WDR72: variants seen among roughly 807,000 people sequenced by gnomAD.
WDR72 encodes the protein WD repeat-containing protein 72.
In WDR72, 120 loss-of-function variants were observed where a neutral mutation model predicts 124.2. The observed-to-expected ratio is 0.97, with a 90% CI of 0.83 to 1.12. WDR72 has a LOEUF of 1.12. WDR72 is among the 50% of genes most tolerant of loss of function. WDR72 has a pLI of 0.00. For missense variants in WDR72, 1,387 were observed against 1,278.8 expected (o/e 1.08, Z -1.29); for synonymous variants, 452 against 441.7 (o/e 1.02, Z -0.29).
At chr15:53,539,012 T>A (rs1425754559) in intron 18 of WDR72, among the ~76,000 whole-genome samples, 1 of 152,080 alleles carries the variant, frequency 6.6e-6, no homozygotes, top group African/African-American at 2.4e-5. Flanking sequence ...AATAAGTGGG[T>A]CAAGTTACTC....
At chr15:53,742,511 T>C (rs1344345494) in intron 1 of WDR72, among the ~76,000 whole-genome samples, 1 of 152,212 alleles carries the variant, frequency 6.6e-6, no homozygotes, top group Non-Finnish European at 1.5e-5. Flanking sequence ...TTTGGGTGTC[T>C]AAAGCAAGCT....
chr15:53,673,942 G>A (rs2016078193), intron 13 of WDR72, among the ~76,000 whole-genome samples: 1 of 151,942 alleles, frequency 6.6e-6, no homozygotes, highest in Non-Finnish European at 1.5e-5. Context: ...AGTGACCTGA[G>A]ATCGCGCCAT....
At chr15:53,633,826 A>T (rs936593098) in intron 14 of WDR72, among the ~76,000 whole-genome samples, 1 of 152,230 alleles carries the variant, frequency 6.6e-6, no homozygotes, top group African/African-American at 2.4e-5. Flanking sequence ...ATGAACTAGA[A>T]AGAATACATT....
intron 18 of WDR72, among the ~76,000 whole-genome samples, chr15:53,591,293 G>A (rs1036932607): frequency 3.3e-5 from 5 of 151,998 alleles, no homozygotes; most frequent in African/African-American, 1.2e-4. Flanking sequence ...TGTTCTTGGC[G>A]ATATCCTTAG....
chr15:53,656,685 T>C (rs966152103), intron 14 of WDR72, among the ~76,000 whole-genome samples: 1 of 152,130 alleles, frequency 6.6e-6, no homozygotes, highest in Non-Finnish European at 1.5e-5. Context: ...CAACTAATAG[T>C]TTGAGTTAAC....
intron 14 of WDR72, among the ~76,000 whole-genome samples, chr15:53,640,019 GA>G (rs2014789158): frequency 6.6e-6 from 1 of 152,134 alleles, no homozygotes; most frequent in East Asian, 1.9e-4. Flanking sequence ...ATTCAATGCT[GA>G]AATATAATGG....
intron 2 of WDR72, among the ~76,000 whole-genome samples, chr15:53,726,424 A>G (rs927262408): frequency 1.3e-5 from 2 of 151,534 alleles, no homozygotes; most frequent in African/African-American, 4.8e-5. Flanking sequence ...TAAACCTAAA[A>G]CTGCTTTCAA....
Position 53,515,086 on chromosome 15 carries a change from T to TACACACACACAC in WDR72, c.*2601_*2612dup, listed in dbSNP as rs1555402422. ...ATATACACACATATATATGTATGTA[T>TACACACACACAC]ACACACACACACACACACACAAATA... On this transcript the variant is annotated 3_prime_UTR_variant, in exon 20 of 20. Coordinates refer to ENST00000360509, the MANE Select transcript of WDR72 (RefSeq NM_182758.4). 3 of 87,204 alleles carry TACACACACACAC rather than the reference T, an allele frequency of 3.4e-5. No homozygotes were observed. The highest frequency in any genetic ancestry group is 4.3e-4 in the South Asian group (1 of 2,334). 5.4% of individuals were successfully genotyped at this position (87,204 alleles called of 1,614,324 possible).
In WDR72 at chr15:53,743,975, A is replaced by C. The variant is rs972987653; in HGVS notation, c.-12-10814T>G. ...GGGCGACAGAGCGAGACTCGTCTCAAAAAAAAAAAAAAAAAATTTATCAAA... is the reference window on the plus strand; with the variant it reads ...GGGCGACAGAGCGAGACTCGTCTCACAAAAAAAAAAAAAAAATTTATCAAA... On this transcript the variant is annotated intron_variant, in intron 1 of 19. Coordinates refer to ENST00000360509, the MANE Select transcript of WDR72 (RefSeq NM_182758.4). 6.0e-3 allele frequency among the ~76,000 whole-genome samples: 302 copies of C among 50,074 alleles called. 3 individuals carry two copies. The highest frequency in any genetic ancestry group is 0.01 in the African/African-American group (281 of 26,916). The allele number at this position is 50,074 out of a possible 152,430, so 32.9% of individuals were successfully genotyped here. A position where few individuals can be genotyped will look rare whatever the true frequency, so the allele number is the denominator to read the frequency against.
At chr15:53,674,339 C>A (rs191700989) in intron 13 of WDR72, among the ~76,000 whole-genome samples, 1 of 152,180 alleles carries the variant, frequency 6.6e-6, no homozygotes, top group South Asian at 2.1e-4. Context: ...AAAAATTTGA[C>A]CATTGGGTCT....
intron 14 of WDR72, among the ~76,000 whole-genome samples, chr15:53,631,106 G>A (rs2014409803): frequency 1.3e-5 from 2 of 152,150 alleles, no homozygotes; most frequent in South Asian, 4.1e-4. Context: ...CAATGCTGGA[G>A]GTGGTGCCTG....
intron 18 of WDR72, among the ~76,000 whole-genome samples, chr15:53,594,950 A>G (rs2012702158): frequency 6.6e-6 from 1 of 152,168 alleles, no homozygotes; most frequent in Non-Finnish European, 1.5e-5. Flanking sequence ...ATATAATACT[A>G]CTTGGATAGT....
At chr15:53,705,268 T>C in intron 10 of WDR72, 35 bp from the exon 11 acceptor site, 1 of 1,604,606 alleles carries the variant, frequency 6.2e-7, no homozygotes, top group Non-Finnish European at 8.5e-7. Context: ...GAAAATTTGG[T>C]TTATCAGTAC....
intron 1 of WDR72, among the ~76,000 whole-genome samples, chr15:53,740,766 G>C (rs1406486871): frequency 6.6e-6 from 1 of 152,182 alleles, no homozygotes; most frequent in African/African-American, 2.4e-5. Flanking sequence ...TACCAAAAGA[G>C]AGGGAGTGGA....
chr15:53,551,701 A>G (rs1471926867), intron 18 of WDR72, among the ~76,000 whole-genome samples: 1 of 152,188 alleles, frequency 6.6e-6, no homozygotes, highest in Admixed American at 6.5e-5. Context: ...AGAGTCAGAC[A>G]TAAGATGGTC....
At chr15:53,546,555 C>T (rs1456961475) in intron 18 of WDR72, among the ~76,000 whole-genome samples, 1 of 151,842 alleles carries the variant, frequency 6.6e-6, no homozygotes, top group Non-Finnish European at 1.5e-5. Flanking sequence ...GGGAGATATA[C>T]CTAATGCTAG....
intron 13 of WDR72, among the ~76,000 whole-genome samples, chr15:53,670,919 C>T (rs1375472070): frequency 6.6e-6 from 1 of 152,150 alleles, no homozygotes; most frequent in Non-Finnish European, 1.5e-5. Context: ...GGCATATGGC[C>T]AGCTTGGGCC....
intron 17 of WDR72, among the ~76,000 whole-genome samples, chr15:53,607,719 C>T (rs1010991248): frequency 2.6e-5 from 4 of 151,992 alleles, no homozygotes; most frequent in African/African-American, 7.2e-5. Context: ...AAACAAGAGA[C>T]GATCCACAGA....
chr15:53,704,337 G>A (rs988062325), intron 11 of WDR72, among the ~76,000 whole-genome samples: 1 of 152,042 alleles, frequency 6.6e-6, no homozygotes, highest in African/African-American at 2.4e-5. Context: ...ATTTTTATTT[G>A]TGCAATATAA....
Sources: allele counts gnomAD v4.1 joint callset (sites outside exome capture counted in the v4.1 genomes callset), GRCh38; gene constraint gnomAD v4.1.1; transcripts MANE v1.5; gene names NCBI Gene and HGNC (gene_info 2026-07-23, HGNC 2026-07-21).